The following TMEM132B variants were observed in gnomAD, a reference collection of about 807,000 sequenced individuals.
TMEM132B encodes transmembrane protein 132B.
TMEM132B carries 18 observed loss-of-function variants against 90.8 expected under a neutral mutation model. The ratio of observed to expected loss-of-function variants is 0.20; its 90% CI spans 0.14 to 0.29. The LOEUF (loss-of-function observed/expected upper bound fraction) is 0.29. TMEM132B is among the 10% of genes least tolerant of loss of function. The pLI, the probability that TMEM132B is intolerant of heterozygous loss-of-function variation, is 1.00. For missense variants in TMEM132B, 1,096 were observed against 1,326.8 expected (o/e 0.83, Z 2.70); for synonymous variants, 504 against 523.3 (o/e 0.96, Z 0.50).
At chr12:125,471,845 G>A (rs1033656263) in intron 3 of TMEM132B, among the ~76,000 whole-genome samples, 1 of 152,174 alleles carries the variant, frequency 6.6e-6, no homozygotes, top group East Asian at 1.9e-4. Context: ...GGGAAGGTTA[G>A]GTGACTTGTC....
chr12:125,520,523 G>A (rs749021470), intron 4 of TMEM132B, among the ~76,000 whole-genome samples: 18 of 131,100 alleles, frequency 1.4e-4, no homozygotes, highest in Non-Finnish European at 2.5e-4. Context: ...TCTCAAGTGC[G>A]TTGAATGTGT....
chr12:125,540,736 T>G (rs1883932675), intron 4 of TMEM132B, among the ~76,000 whole-genome samples: 1 of 152,254 alleles, frequency 6.6e-6, no homozygotes, highest in African/African-American at 2.4e-5. Context: ...AGTTCTACCC[T>G]GGCTCATTAC....
At chr12:125,413,824 G>C (rs1879929318) in intron 2 of TMEM132B, among the ~76,000 whole-genome samples, 3 of 152,184 alleles carry the variant, frequency 2.0e-5, no homozygotes, top group South Asian at 2.1e-4. Context: ...GTATTTGTTT[G>C]AGTGCCTGTT....
chr12:125,194,323 C>T lies in TMEM132B; in HGVS notation c.67+7457C>T, dbSNP rs139959622. On this transcript the variant is annotated intron_variant, in intron 1 of 8. Transcript: ENST00000682704. ...GCCTCCGAGTCCGGGATGCAGTGCC[C>T]GGGAGGGGTGACTCAGTAAATCATG... is the stretch of plus-strand genomic sequence containing the variant. 2.3e-4 allele frequency among the ~76,000 whole-genome samples: 35 copies of T among 152,132 alleles called. 1 individual carries two copies. Among genetic ancestry groups the T allele is most frequent in the African/African-American group, 6.5e-4 (27 of 41,482 alleles).
chr12:125,193,254 C>T (rs1224335679), intron 1 of TMEM132B, among the ~76,000 whole-genome samples: 1 of 152,162 alleles, frequency 6.6e-6, no homozygotes, highest in Non-Finnish European at 1.5e-5. Context: ...CACTGAGGCT[C>T]AGAGGAACCT....
chr12:125,620,169 C>T lies in TMEM132B; in HGVS notation c.1438-23907C>T, dbSNP rs142854736. ...TCTTACTTCAGCATTTCTTCAAACACGGCACATGTGCCACTGGGGATGTAT... is the reference window on the plus strand; with the variant it reads ...TCTTACTTCAGCATTTCTTCAAACATGGCACATGTGCCACTGGGGATGTAT... On this transcript the variant is annotated intron_variant, in intron 5 of 8. Coordinates refer to ENST00000682704, the MANE Select transcript of TMEM132B (RefSeq NM_001366854.1). Among the ~76,000 whole-genome samples the T allele has an allele frequency of 5.2e-3, 787 of 152,316 alleles. 7 individuals carry two copies. Among genetic ancestry groups the T allele is most frequent in the African/African-American group, 0.018 (748 of 41,572 alleles).
chr12:125,294,085 C>T (rs542021763), intron 1 of TMEM132B, among the ~76,000 whole-genome samples: 14 of 152,364 alleles, frequency 9.2e-5, no homozygotes, highest in African/African-American at 3.4e-4. Flanking sequence ...AGTCCCAAGC[C>T]TCAGAGTCAG....
At chr12:125,405,502 A>G (rs1346586314) in intron 2 of TMEM132B, among the ~76,000 whole-genome samples, 3 of 152,082 alleles carry the variant, frequency 2.0e-5, no homozygotes, top group Non-Finnish European at 4.4e-5. Context: ...ATAGACACTT[A>G]TTTTTTCATC....
chr12:125,477,551 G>T (rs1162763955), intron 3 of TMEM132B, among the ~76,000 whole-genome samples: 1 of 151,810 alleles, frequency 6.6e-6, no homozygotes, highest in Admixed American at 6.6e-5. Context: ...CTACTCTGTG[G>T]CACAGTTGTT....
At chr12:125,370,674 G>A (rs1293372709) in intron 2 of TMEM132B, among the ~76,000 whole-genome samples, 1 of 152,188 alleles carries the variant, frequency 6.6e-6, no homozygotes, top group African/African-American at 2.4e-5. Flanking sequence ...CTCCCAAAGT[G>A]CTGGGATTAT....
intron 6 of TMEM132B, among the ~76,000 whole-genome samples, chr12:125,646,856 G>T (rs964340536): frequency 6.6e-6 from 1 of 152,156 alleles, no homozygotes; most frequent in African/African-American, 2.4e-5. Context: ...GAGAAAAGAT[G>T]ATCAACTGAT....
chr12:125,529,725 G>A (rs1039285722), intron 4 of TMEM132B, among the ~76,000 whole-genome samples: 26 of 152,194 alleles, frequency 1.7e-4, no homozygotes, highest in Admixed American at 1.3e-4. Flanking sequence ...AAGGTTTGAA[G>A]GCTTCTGGAG....
chr12:125,517,745 G>T (rs1883204734), intron 3 of TMEM132B, among the ~76,000 whole-genome samples: 1 of 152,074 alleles, frequency 6.6e-6, no homozygotes, highest in Admixed American at 6.5e-5. Flanking sequence ...TCTACTGAAA[G>T]TAGAAAGACC....
intron 5 of TMEM132B, among the ~76,000 whole-genome samples, chr12:125,619,055 A>G (rs1886057668): frequency 6.6e-6 from 1 of 152,192 alleles, no homozygotes; most frequent in Non-Finnish European, 1.5e-5. Context: ...GGCAGTGGGA[A>G]GTGAGTTTTT....
chr12:125,511,092 C>T (rs893000359), intron 3 of TMEM132B, among the ~76,000 whole-genome samples: 4 of 152,204 alleles, frequency 2.6e-5, no homozygotes, highest in African/African-American at 7.2e-5. Context: ...TTGGCAACCA[C>T]GATTCTACTT....
intron 1 of TMEM132B, among the ~76,000 whole-genome samples, chr12:125,291,875 T>C (rs1049787248): frequency 6.6e-6 from 1 of 152,248 alleles, no homozygotes; most frequent in Non-Finnish European, 1.5e-5. Context: ...GCACCGTCTA[T>C]CTCTAGAACC....
rs941685427 is a variant in TMEM132B, at chr12:125,277,802, T to TA, written c.68-71643dup. 6.6e-6 allele frequency among the ~76,000 whole-genome samples: 1 copy of TA among 152,144 alleles called. No homozygotes were observed. Among genetic ancestry groups the TA allele is most frequent in the Non-Finnish European group, 1.5e-5 (1 of 68,020 alleles). On this transcript the variant is annotated intron_variant, in intron 1 of 8. Transcript: ENST00000682704. The surrounding 1 kb of genome is among the most constrained non-coding windows in gnomAD (Gnocchi z 4.3). ...AGCTCTGGGGAGCTAACAACGACGT[T>TA]AAAAAAAGTTGGACAAATGGCTACT...
At chr12:125,381,523 G>A (rs1259364081) in intron 2 of TMEM132B, among the ~76,000 whole-genome samples, 1 of 152,182 alleles carries the variant, frequency 6.6e-6, no homozygotes, top group Non-Finnish European at 1.5e-5. Context: ...AGGTTGATCT[G>A]GGTCAGTAAC....
intron 1 of TMEM132B, among the ~76,000 whole-genome samples, chr12:125,343,141 A>C (rs1416515841): frequency 6.6e-6 from 1 of 152,188 alleles, no homozygotes; most frequent in Non-Finnish European, 1.5e-5. Context: ...TGACCACCTT[A>C]ATCCAAGAGC....
Sources: gnomAD v4.1 joint callset for allele counts (sites outside exome capture counted in the v4.1 genomes callset) on GRCh38, gnomAD v4.1.1 for gene constraint, Gnocchi (gnomAD v3.1) non-coding constraint, MANE v1.5 for transcripts, NCBI Gene and HGNC (gene_info 2026-07-23, HGNC 2026-07-21) for gene names.